Variants in LAMC3 observed in about 807,000 individuals in gnomAD.
The protein encoded by LAMC3 is laminin subunit gamma 3.
Under a neutral mutation model 173.8 loss-of-function variants are expected in LAMC3, and 128 were observed. That is an observed-to-expected ratio of 0.74 (90% confidence interval 0.64 to 0.85). LAMC3 has a LOEUF of 0.85. Among genes scored for constraint, LAMC3 ranks in the 40% least tolerant of loss-of-function variants. The pLI is 0.00. For missense variants in LAMC3, 2,022 were observed against 2,156.0 expected (o/e 0.94, Z 1.23); for synonymous variants, 897 against 909.1 (o/e 0.99, Z 0.24).
At position 131,091,662 on chromosome 9, in the gene LAMC3, G is replaced by T. The variant is rs1329620646; in HGVS notation, c.4603G>T (p.Glu1535Ter). The stretch of plus-strand genomic sequence containing the variant: ...GAGGAAACTCAGTCTGCTGGAGCAG[G>T]AATCCCAGCAGCAGGAGCTGCAGAT... ...LQRKLSLLEQ[E>*]SQQQELQIQG... Residue 1535 changes from glutamate (E) to a stop codon, truncating the protein, a stop_gained, in exon 28 of 28, where the codon GAA becomes TAA. Coordinates refer to ENST00000361069, the MANE Select transcript of LAMC3 (RefSeq NM_006059.4). LOFTEE classifies it high-confidence loss of function. 6.2e-7 allele frequency: 1 copy of T among 1,608,134 alleles called. No homozygotes were observed.
rs376183969 is a variant in LAMC3 at position 131,009,421 on chromosome 9, C to G, written c.207C>G (p.Gly69=). Residue 69 remains glycine (G), a synonymous_variant, in exon 1 of 28, where the codon GGC becomes GGG. Transcript: ENST00000361069. This position sits in a 1 kb window ranked among gnomAD's most constrained non-coding sequence, Gnocchi z 4.3. The part of the protein sequence containing the change: ...EDFCPHVGAA[G]AGAHCQRCDA... Reference sequence around the variant, plus strand: ...TCTGTCCCCACGTGGGCGCCGCGGGCGCGGGGGCTCATTGCCAGCGCTGCG... The same window carrying G: ...TCTGTCCCCACGTGGGCGCCGCGGGGGCGGGGGCTCATTGCCAGCGCTGCG... 2 of 1,542,146 alleles carry G rather than the reference C, an allele frequency of 1.3e-6. No homozygotes were observed. The highest frequency in any genetic ancestry group is 8.7e-7 in the Non-Finnish European group (1 of 1,145,372).
Position 131,009,728 on chromosome 9 carries a change from G to T in LAMC3, c.373+141G>T. On this transcript the variant is annotated intron_variant, in intron 1 of 27. Transcript: ENST00000361069. This position sits in a 1 kb window ranked among gnomAD's most constrained non-coding sequence, Gnocchi z 4.3. ...TGTTGGATGGAGGGGCTCAGAAATAGGAATTAGGCTGGGTGCGGTGGCTCA... is the reference window on the plus strand; with the variant it reads ...TGTTGGATGGAGGGGCTCAGAAATATGAATTAGGCTGGGTGCGGTGGCTCA... 1 of 1,060,404 alleles carries T rather than the reference G, an allele frequency of 9.4e-7. No individual in the cohort carries two copies. Among genetic ancestry groups the T allele is most frequent in the Admixed American group, 2.5e-5 (1 of 39,294 alleles). 65.7% of individuals were successfully genotyped at this position (1,060,404 alleles called of 1,614,324 possible). A position where few individuals can be genotyped will look rare whatever the true frequency, so the allele number is the denominator to read the frequency against.
chr9:131,036,702 C>G (rs1833951644), intron 4 of LAMC3, among the ~76,000 whole-genome samples: 1 of 152,210 alleles, frequency 6.6e-6, no homozygotes, highest in South Asian at 2.1e-4. Flanking sequence ...CCAGCCTCTC[C>G]CACGGGCCCC....
At chr9:131,061,401 A>G (rs931344781) in intron 13 of LAMC3, among the ~76,000 whole-genome samples, 178 bp downstream of exon 13, 34 of 152,212 alleles carry the variant, frequency 2.2e-4, no homozygotes, top group African/African-American at 8.0e-4. Flanking sequence ...CCCCATAGCC[A>G]GAGCCCCAGG....
intron 4 of LAMC3, among the ~76,000 whole-genome samples, chr9:131,038,205 G>C (rs1163877685): frequency 6.6e-6 from 1 of 152,172 alleles, no homozygotes; most frequent in Non-Finnish European, 1.5e-5. Flanking sequence ...CCCCAGCACA[G>C]CTGCAGGGGC....
At chr9:131,049,216 A>G (rs1834236889) in intron 9 of LAMC3, 86 bp downstream of exon 9, 2 of 793,848 alleles carry the variant, frequency 2.5e-6, no homozygotes, top group African/African-American at 3.4e-5. Flanking sequence ...GAGGCTGAAA[A>G]CAATGCCAGT....
intron 1 of LAMC3, among the ~76,000 whole-genome samples, chr9:131,013,405 C>T (rs1588134714): frequency 6.6e-6 from 1 of 152,190 alleles, no homozygotes; most frequent in East Asian, 1.9e-4. Flanking sequence ...GTCCCCCAAG[C>T]AGATGAGTTC....
Position 131,086,575 on chromosome 9 carries a change from C to CTTTTTTTTCTTTT in LAMC3, c.4230+860_4230+861insCTTTTTTTTTTTT, listed in dbSNP as rs1554723497. Among the ~76,000 whole-genome samples the CTTTTTTTTCTTTT allele has an allele frequency of 2.8e-4, 26 of 92,478 alleles. 2 individuals carry two copies. Among genetic ancestry groups the CTTTTTTTTCTTTT allele is most frequent in the Non-Finnish European group, 4.0e-4 (20 of 49,512 alleles). The allele number at this position is 92,478 out of a possible 152,430, so 60.7% of individuals were successfully genotyped here. A position where few individuals can be genotyped will look rare whatever the true frequency, so the allele number is the denominator to read the frequency against. ...GGTGTGTGCCACTGTGCCTGGCTAA[C>CTTTTTTTTCTTTT]TTTTTTTTTTTTGCAGAGATGAGGA... On this transcript the variant is annotated intron_variant, in intron 25 of 27. Coordinates refer to ENST00000361069, the MANE Select transcript of LAMC3 (RefSeq NM_006059.4).
intron 1 of LAMC3, among the ~76,000 whole-genome samples, chr9:131,023,649 C>G (rs1264868519): frequency 1.3e-5 from 2 of 152,052 alleles, no homozygotes; most frequent in East Asian, 3.8e-4. Context: ...ACTCGGTTGC[C>G]CAGGTTGGAG....
At chr9:131,057,245 A>C in intron 12 of LAMC3, 98 bp downstream of exon 12, 1 of 1,057,022 alleles carries the variant, frequency 9.5e-7, no homozygotes. Context: ...ACAGGCATTG[A>C]GGTGTTGGCC....
At chr9:131,048,848 G>C (rs1379708713) in intron 8 of LAMC3, among the ~76,000 whole-genome samples, 172 bp from the exon 9 acceptor site, 1 of 152,008 alleles carries the variant, frequency 6.6e-6, no homozygotes, top group Non-Finnish European at 1.5e-5. Flanking sequence ...CCACTGAAAG[G>C]GCAGGGCAGG....
chr9:131,034,315 G>T (rs1473716638), intron 3 of LAMC3, among the ~76,000 whole-genome samples: 1 of 152,216 alleles, frequency 6.6e-6, no homozygotes, highest in Non-Finnish European at 1.5e-5. Context: ...CTGTCCCCAG[G>T]ATTGCCTGGC....
intron 2 of LAMC3, among the ~76,000 whole-genome samples, chr9:131,027,451 G>A (rs927066764): frequency 6.6e-6 from 1 of 152,182 alleles, no homozygotes; most frequent in African/African-American, 2.4e-5. Flanking sequence ...GAGTCATAGA[G>A]CCCTGGGTCC....
rs369682316 is a variant in LAMC3, at chr9:131,079,233, G to A, written c.3862G>A (p.Glu1288Lys). 2.0e-5 allele frequency: 33 copies of A among 1,614,198 alleles called. No homozygotes were observed. The highest frequency in any genetic ancestry group is 1.1e-4 in the East Asian group (5 of 44,888). ...TVASWQHMAT[E>K]AARTLQTAAQ... ...TGCATCATGGCAGCACATGGCCACT[G>A]AGGCTGCCCGAACCCTCCAGACTGC... is the stretch of plus-strand genomic sequence containing the variant. Residue 1288 changes from glutamate to lysine, a missense_variant, in exon 23 of 28, where the codon GAG (glutamate) becomes AAG (lysine). Glu to Lys is a moderately conservative substitution (Grantham distance 56, BLOSUM62 1). Transcript: ENST00000361069.
At chr9:131,042,179 C>A (rs1834069288) in intron 7 of LAMC3, among the ~76,000 whole-genome samples, 2 of 152,082 alleles carry the variant, frequency 1.3e-5, no homozygotes, top group Admixed American at 6.6e-5. Context: ...CCGTTTCACA[C>A]CCACAGCAGA....
At chr9:131,045,486 C>A (rs1425519085) in intron 7 of LAMC3, 38 bp from the exon 8 acceptor site, 17 of 1,612,100 alleles carry the variant, frequency 1.1e-5, no homozygotes, top group Non-Finnish European at 1.4e-5. Flanking sequence ...CTGGCTGATT[C>A]ACGTGGCCCT....
intron 1 of LAMC3, among the ~76,000 whole-genome samples, chr9:131,019,725 C>A (rs1564363513): frequency 6.6e-6 from 1 of 152,132 alleles, no homozygotes; most frequent in Non-Finnish European, 1.5e-5. Flanking sequence ...AACCTGGGTG[C>A]CCTCCTACTC....
At position 131,072,808 on chromosome 9, in the gene LAMC3, G is replaced by A; in HGVS notation, c.3390G>A (p.Leu1130=). ...AVLESSEEEI[L]HAAAILASLE... is the part of the protein sequence containing the mutation. Reference sequence around the variant, plus strand: ...TGGAGTCCTCGGAAGAGGAGATTCTGCATGCAGCTGCCATTCTCGCGTCTC... The same window carrying A: ...TGGAGTCCTCGGAAGAGGAGATTCTACATGCAGCTGCCATTCTCGCGTCTC... Residue 1130 remains leucine, a synonymous_variant, in exon 19 of 28, where the codon CTG becomes CTA. Transcript: ENST00000361069. The A allele has an allele frequency of 6.2e-7, 1 of 1,612,530 alleles. No individual in the cohort carries two copies. The highest frequency in any genetic ancestry group is 8.5e-7 in the Non-Finnish European group (1 of 1,179,474).
chr9:131,079,256 T>TGCTG lies in LAMC3; in HGVS notation c.3886_3889dup (p.Ala1297GlyfsTer46). Reference sequence around the variant, plus strand: ...CTGAGGCTGCCCGAACCCTCCAGACTGCTGCCCAGGCGACGCTACGGCAAA... The same window carrying TGCTG: ...CTGAGGCTGCCCGAACCCTCCAGACTGCTGGCTGCCCAGGCGACGCTACGGCAAA... On this transcript the variant is annotated frameshift_variant, in exon 23 of 28. Transcript: ENST00000361069. LOFTEE classifies it high-confidence loss of function. 1.9e-6 allele frequency: 3 copies of TGCTG among 1,614,216 alleles called. No individual in the cohort carries two copies. Among genetic ancestry groups the TGCTG allele is most frequent in the Non-Finnish European group, 2.5e-6 (3 of 1,180,040 alleles).
Sources: allele counts gnomAD v4.1 joint callset (sites outside exome capture counted in the v4.1 genomes callset), GRCh38; gene constraint gnomAD v4.1.1; non-coding constraint Gnocchi (gnomAD v3.1); transcripts MANE v1.5; gene names NCBI Gene and HGNC (gene_info 2026-07-23, HGNC 2026-07-21).